TM7SF3: variants seen among roughly 807,000 people sequenced by gnomAD.
TM7SF3 encodes seven span transmembrane protein.
In TM7SF3, 60 loss-of-function variants were observed where a neutral mutation model predicts 65.5. The observed-to-expected ratio is 0.92, with a 90% CI of 0.74 to 1.14. The LOEUF is 1.14. Ranked by LOEUF, TM7SF3 falls within the 50% of genes most tolerant of loss-of-function variation. TM7SF3 has a pLI of 0.00. For synonymous variants in TM7SF3, 264 were observed against 259.6 expected (o/e 1.02, Z -0.16); for missense variants, 623 against 684.8 (o/e 0.91, Z 1.01).
chr12:27,004,988 G>T (rs865935813), intron 1 of TM7SF3, among the ~76,000 whole-genome samples: 17 of 152,190 alleles, frequency 1.1e-4, no homozygotes, highest in Admixed American at 4.6e-4. Flanking sequence ...AAGTTTGTGT[G>T]CACGTGTTTT....
chr12:27,007,338 G>T (rs996562586), intron 1 of TM7SF3, among the ~76,000 whole-genome samples: 2 of 152,134 alleles, frequency 1.3e-5, no homozygotes, highest in African/African-American at 4.8e-5. Context: ...TGTAAAACCT[G>T]GTCACTTGAC....
At chr12:26,994,065 ATTCTT>A (rs1379762504) in intron 5 of TM7SF3, among the ~76,000 whole-genome samples, 4 of 152,192 alleles carry the variant, frequency 2.6e-5, no homozygotes, top group African/African-American at 4.8e-5. Flanking sequence ...GGTACAAAAT[ATTCTT>A]TTAACTAAAA....
At chr12:26,996,939 T>C (rs1172864307) in intron 3 of TM7SF3, 77 bp from the exon 4 acceptor site, 2 of 1,467,588 alleles carry the variant, frequency 1.4e-6, no homozygotes, top group African/African-American at 1.4e-5. Context: ...CAGAACTCTA[T>C]CTACTCTTAC....
intron 5 of TM7SF3, among the ~76,000 whole-genome samples, chr12:26,993,628 T>C (rs1365770307): frequency 1.3e-5 from 2 of 152,212 alleles, no homozygotes; most frequent in Admixed American, 1.3e-4. Context: ...AGAATTAATC[T>C]AAGGATGCTA....
rs1335751034 is a variant in TM7SF3 at position 27,014,255 on chromosome 12, T to G, written c.-87A>C. 5.6e-6 allele frequency: 7 copies of G among 1,252,230 alleles called. No homozygotes were observed. Among genetic ancestry groups the G allele is most frequent in the Non-Finnish European group, 6.4e-6 (6 of 942,868 alleles). The allele number at this position is 1,252,230 out of a possible 1,614,324, so 77.6% of individuals were successfully genotyped here. The stretch of plus-strand genomic sequence containing the variant: ...GGGCCCCGCAGCCTCGCCCACGCTA[T>G]CCCGGGGCGCCCGCATCGGGCGCCA... On this transcript the variant is annotated 5_prime_UTR_variant, in exon 1 of 12. Coordinates refer to ENST00000343028, the MANE Select transcript of TM7SF3 (RefSeq NM_016551.3).
intron 5 of TM7SF3, among the ~76,000 whole-genome samples, chr12:26,990,950 T>C (rs1391826160): frequency 6.6e-6 from 1 of 152,190 alleles, no homozygotes; most frequent in Non-Finnish European, 1.5e-5. Context: ...GGATGGGAAC[T>C]GTATTTCTCT....
At chr12:26,988,784 T>G (rs1253122010) in intron 6 of TM7SF3, among the ~76,000 whole-genome samples, 6 of 151,720 alleles carry the variant, frequency 4.0e-5, no homozygotes, top group African/African-American at 1.5e-4. Flanking sequence ...CATACAGACT[T>G]TTTTTCAGTA....
intron 2 of TM7SF3, among the ~76,000 whole-genome samples, chr12:27,000,606 C>T (rs1940791747): frequency 6.6e-6 from 1 of 152,034 alleles, no homozygotes; most frequent in South Asian, 2.1e-4. Flanking sequence ...ACTACAGGCG[C>T]CTGCCACCAC....
intron 3 of TM7SF3, 131 bp downstream of exon 3, chr12:26,999,395 C>T (rs1450567831): frequency 1.2e-6 from 1 of 804,674 alleles, no homozygotes. Flanking sequence ...GACTCCATCT[C>T]AAAAAAAAAA....
chr12:27,011,115 T>C (rs760458455), intron 1 of TM7SF3, among the ~76,000 whole-genome samples: 1 of 152,216 alleles, frequency 6.6e-6, no homozygotes, highest in Non-Finnish European at 1.5e-5. Context: ...CTCATTGTTA[T>C]CTTCTTACAA....
intron 9 of TM7SF3, among the ~76,000 whole-genome samples, chr12:26,977,702 T>C (rs7309280): frequency 0.95 from 143,837 of 152,120 alleles, 68,038 homozygotes; most frequent in East Asian, 1. Context: ...TGCAGTGAAC[T>C]GAGACTGCGC....
At position 26,991,193 on chromosome 12, in the gene TM7SF3, C is replaced by A. The variant is rs564580132; in HGVS notation, c.691-566G>T. Reference sequence around the variant, plus strand: ...CGGAGTCTCGCTCTGTCGCCCAGGCCGGACTGCGGACTGCAGTGGCGCAAT... The same window carrying A: ...CGGAGTCTCGCTCTGTCGCCCAGGCAGGACTGCGGACTGCAGTGGCGCAAT... On this transcript the variant is annotated intron_variant, in intron 5 of 11. Coordinates refer to ENST00000343028, the MANE Select transcript of TM7SF3 (RefSeq NM_016551.3). Among the ~76,000 whole-genome samples, 9 of 147,680 alleles carry A rather than the reference C, an allele frequency of 6.1e-5. No individual in the cohort carries two copies. The South Asian group carries it at 2.0e-3, about 32-fold the overall frequency.
intron 2 of TM7SF3, chr12:26,999,917 A>C: frequency 2.3e-6 from 1 of 439,258 alleles, no homozygotes; most frequent in Non-Finnish European, 4.1e-6. Flanking sequence ...ACAAAGTACC[A>C]CAGGTAAGGT....
chr12:27,001,585 T>G (rs924654298), intron 2 of TM7SF3, among the ~76,000 whole-genome samples: 2 of 152,186 alleles, frequency 1.3e-5, no homozygotes, highest in African/African-American at 4.8e-5. Context: ...GCCTAGGACA[T>G]AGCAGGCGTT....
chr12:26,980,045 G>T, intron 8 of TM7SF3, 109 bp from the exon 9 acceptor site: 1 of 1,294,276 alleles, frequency 7.7e-7, no homozygotes, highest in Non-Finnish European at 1.1e-6. Flanking sequence ...CTGTAGGTCA[G>T]GCACTGAGGG....
intron 11 of TM7SF3, 133 bp from the exon 12 acceptor site, chr12:26,974,360 T>C (rs1483803031): frequency 7.8e-5 from 73 of 938,294 alleles, no homozygotes; most frequent in Non-Finnish European, 9.6e-5. Context: ...CAAACACATA[T>C]GTAGTTCCTC....
chr12:26,995,503 C>T, intron 4 of TM7SF3, 95 bp from the exon 5 acceptor site: 1 of 1,259,578 alleles, frequency 7.9e-7, no homozygotes. Flanking sequence ...ACACTTGCAA[C>T]AATAATTACA....
At chr12:27,011,963 C>T (rs1941260228) in intron 1 of TM7SF3, among the ~76,000 whole-genome samples, 1 of 152,128 alleles carries the variant, frequency 6.6e-6, no homozygotes, top group Admixed American at 6.5e-5. Flanking sequence ...GTTCTGGACG[C>T]CTGCTCTCCT....
chr12:27,011,245 C>T (rs910506103), intron 1 of TM7SF3, among the ~76,000 whole-genome samples: 3 of 152,194 alleles, frequency 2.0e-5, no homozygotes, highest in African/African-American at 7.2e-5. Context: ...CTTGGTAAAG[C>T]ATCATCAATA....
Sources: allele counts gnomAD v4.1 joint callset (sites outside exome capture counted in the v4.1 genomes callset), GRCh38; gene constraint gnomAD v4.1.1; transcripts MANE v1.5; gene names NCBI Gene and HGNC (gene_info 2026-07-23, HGNC 2026-07-21).